The following PTPRT variants were observed in gnomAD, a reference collection of about 807,000 sequenced individuals.
The protein encoded by PTPRT is protein tyrosine phosphatase receptor type T.
A neutral mutation model predicts 176.8 loss-of-function variants in PTPRT; 56 were observed. That is an observed-to-expected ratio of 0.32 (90% confidence interval 0.26 to 0.40). The LOEUF is 0.40. Ranked by LOEUF, PTPRT falls within the 10% of genes least tolerant of loss-of-function variation. The probability of loss-of-function intolerance (pLI) is 1.00; values close to 1 mark genes in which losing one functional copy is unlikely to be tolerated. For missense variants in PTPRT, 1,540 were observed against 1,908.2 expected (o/e 0.81, Z 3.60); for synonymous variants, 783 against 739.0 (o/e 1.06, Z -0.96).
chr20:42,199,442 T>C, intron 15 of PTPRT, 54 bp from the exon 16 acceptor site: 1 of 1,582,752 alleles, frequency 6.3e-7, no homozygotes, highest in East Asian at 2.2e-5. Context: ...CCAGTTGCAT[T>C]AAAGCATTGG....
chr20:42,041,665 A>G, the PTPRT span, among the ~76,000 whole-genome samples: 1 of 152,130 alleles, frequency 6.6e-6, no homozygotes, highest in East Asian at 1.9e-4. Flanking sequence ...ACCTTGAGCA[A>G]CTCCCTCTTT....
At chr20:42,414,743 C>T (rs1433817646) in intron 9 of PTPRT, among the ~76,000 whole-genome samples, 1 of 152,088 alleles carries the variant, frequency 6.6e-6, no homozygotes, top group Non-Finnish European at 1.5e-5. Context: ...TGAAATTCTA[C>T]TCAGAAATAT....
chr20:42,623,408 A>G (rs1303831030), intron 7 of PTPRT, among the ~76,000 whole-genome samples: 1 of 152,216 alleles, frequency 6.6e-6, no homozygotes, highest in East Asian at 1.9e-4. Flanking sequence ...AGCTGAACAG[A>G]GAGGCATACC....
intron 16 of PTPRT, among the ~76,000 whole-genome samples, chr20:42,198,919 C>T (rs894854917): frequency 2.0e-5 from 3 of 152,164 alleles, no homozygotes; most frequent in Non-Finnish European, 2.9e-5. Flanking sequence ...ATATTTTTCT[C>T]CTTAAGGACA....
At chr20:43,162,135 C>A (rs191471218) in intron 1 of PTPRT, among the ~76,000 whole-genome samples, 198 of 152,238 alleles carry the variant, frequency 1.3e-3, no homozygotes, top group Non-Finnish European at 2.2e-3. Context: ...AAAACACACA[C>A]TAAAACTGCT....
rs905397712 is a variant in PTPRT, at chr20:42,080,769, T to A, written c.*110A>T. 9.2e-6 allele frequency: 10 copies of A among 1,086,160 alleles called. No individual in the cohort carries two copies. The African/African-American group carries it at 1.4e-4, about 15-fold the overall frequency. 67.3% of individuals were successfully genotyped at this position (1,086,160 alleles called of 1,614,324 possible). A position where few individuals can be genotyped will look rare whatever the true frequency, so the allele number is the denominator to read the frequency against. ...AGGGCCACCAGTCTTCTCCTTGGAG[T>A]CAGGCAGGGTGCCACCTCAGAGCTC... On this transcript the variant is annotated 3_prime_UTR_variant, in exon 31 of 31. Transcript: ENST00000373187.
intron 7 of PTPRT, among the ~76,000 whole-genome samples, chr20:42,631,655 A>C (rs1041069475): frequency 1.3e-5 from 2 of 152,192 alleles, no homozygotes; most frequent in African/African-American, 4.8e-5. Context: ...AAAACATTTA[A>C]ACTCTTGATT....
At position 42,248,606 on chromosome 20, in the gene PTPRT, A is replaced by G. The variant is rs1241514054; in HGVS notation, c.2312+81T>C. 5.2e-6 allele frequency: 8 copies of G among 1,529,452 alleles called. No homozygotes were observed. The East Asian group carries it at 1.8e-4, about 35-fold the overall frequency. The allele number at this position is 1,529,452 out of a possible 1,614,324, so 94.7% of individuals were successfully genotyped here. Reference sequence around the variant, plus strand: ...GAAGATCCCTGCTGGACAATGATCAACAGAGCAAAAACCTGGCCACACAGC... The same window carrying G: ...GAAGATCCCTGCTGGACAATGATCAGCAGAGCAAAAACCTGGCCACACAGC... On this transcript the variant is annotated intron_variant, in intron 14 of 30. Transcript: ENST00000373187.
At position 42,665,798 on chromosome 20, in the gene PTPRT, A is replaced by G. The variant is rs142310964; in HGVS notation, c.1153+12068T>C. Among the ~76,000 whole-genome samples the G allele has an allele frequency of 2.9e-3, 444 of 152,232 alleles. 1 individual carries two copies. The highest frequency in any genetic ancestry group is 0.01 in the African/African-American group (417 of 41,550). ...ATGAGTTCCTGTCCTTTGTAGGGAC[A>G]TGGATGAAGCTGAAAATCATCATTC... On this transcript the variant is annotated intron_variant, in intron 7 of 30. Coordinates refer to ENST00000373187, the MANE Select transcript of PTPRT (RefSeq NM_007050.6).
At chr20:42,213,600 C>T (rs1383632503) in intron 15 of PTPRT, among the ~76,000 whole-genome samples, 1 of 152,198 alleles carries the variant, frequency 6.6e-6, no homozygotes, top group Non-Finnish European at 1.5e-5. Context: ...AATGAGGTCA[C>T]TAGGGTGGCT....
At chr20:42,216,903 A>G (rs760412155) in intron 15 of PTPRT, among the ~76,000 whole-genome samples, 1 of 152,202 alleles carries the variant, frequency 6.6e-6, no homozygotes, top group African/African-American at 2.4e-5. Flanking sequence ...GTTGGTCTCC[A>G]TCACCAGTTT....
chr20:42,560,269 T>C (rs1300903876), intron 7 of PTPRT, among the ~76,000 whole-genome samples: 4 of 152,146 alleles, frequency 2.6e-5, no homozygotes, highest in Non-Finnish European at 5.9e-5. Context: ...AGGCATGGGA[T>C]TGGAGAATAG....
At chr20:42,625,630 A>G (rs1431253117) in intron 7 of PTPRT, among the ~76,000 whole-genome samples, 2 of 152,046 alleles carry the variant, frequency 1.3e-5, no homozygotes, top group Non-Finnish European at 2.9e-5. Context: ...ACAGAGAAGT[A>G]AAGAGACCCA....
rs149290461 is a variant in PTPRT, at chr20:42,354,368, T to C, written c.1561-2083A>G. ...TCATTATGTCCATGGGATTCATCCA[T>C]GTTGTCATGGGTAGTAGCAAATAAG... is the stretch of plus-strand genomic sequence containing the variant. On this transcript the variant is annotated intron_variant, in intron 9 of 30. Coordinates refer to ENST00000373187, the MANE Select transcript of PTPRT (RefSeq NM_007050.6). Among the ~76,000 whole-genome samples the C allele has an allele frequency of 3.9e-3, 589 of 152,348 alleles. 3 individuals are homozygous for C. The highest frequency in any genetic ancestry group is 0.013 in the African/African-American group (551 of 41,584).
At chr20:42,795,009 A>G (rs979737161) in intron 2 of PTPRT, among the ~76,000 whole-genome samples, 2 of 151,978 alleles carry the variant, frequency 1.3e-5, no homozygotes, top group African/African-American at 4.8e-5. Flanking sequence ...CAGGAGTGAA[A>G]ACCCTTGTAT....
intron 27 of PTPRT, among the ~76,000 whole-genome samples, chr20:42,087,783 G>A (rs1170648118): frequency 7.0e-6 from 1 of 143,064 alleles, no homozygotes; most frequent in Non-Finnish European, 1.5e-5. Context: ...TGAGGCAGGA[G>A]AATCACTTGA....
At chr20:42,343,482 G>A (rs1600861593) in intron 11 of PTPRT, among the ~76,000 whole-genome samples, 1 of 152,134 alleles carries the variant, frequency 6.6e-6, no homozygotes, top group South Asian at 2.1e-4. Flanking sequence ...CTAGTGGTGG[G>A]TCACCTTCAT....
In PTPRT at chr20:42,153,961, C is replaced by A. The variant is rs185988469; in HGVS notation, c.2682+7391G>T. Among the ~76,000 whole-genome samples the A allele has an allele frequency of 1.4e-4, 21 of 152,322 alleles. No individual in the cohort carries two copies. The East Asian group carries it at 2.7e-3, about 20-fold the overall frequency. ...AAAACTCTCAAGTTTGAAACCACAG[C>A]GGTCACTGATGGCTTTTGGCCACTC... On this transcript the variant is annotated intron_variant, in intron 17 of 30. Coordinates refer to ENST00000373187, the MANE Select transcript of PTPRT (RefSeq NM_007050.6).
intron 15 of PTPRT, among the ~76,000 whole-genome samples, chr20:42,210,498 C>CCAA (rs1285648881): frequency 6.6e-6 from 1 of 151,800 alleles, no homozygotes; most frequent in Non-Finnish European, 1.5e-5. Context: ...TTCTTATACA[C>CCAA]CAACAGACAA....
Sources: gnomAD v4.1 joint callset for allele counts (sites outside exome capture counted in the v4.1 genomes callset) on GRCh38, gnomAD v4.1.1 for gene constraint, MANE v1.5 for transcripts, NCBI Gene and HGNC (gene_info 2026-07-23, HGNC 2026-07-21) for gene names.